The following MAN1A1 variants were observed in gnomAD, a reference collection of about 807,000 sequenced individuals.
The protein encoded by MAN1A1 is mannosidase alpha class 1A member 1.
A neutral mutation model predicts 70.8 loss-of-function variants in MAN1A1; 29 were observed. That is an observed-to-expected ratio of 0.41 (90% CI 0.31 to 0.56). The LOEUF is 0.56. Among genes scored for constraint, MAN1A1 ranks in the 20% least tolerant of loss-of-function variants. The pLI is 0.29. For synonymous variants in MAN1A1, 349 were observed against 330.1 expected (o/e 1.06, Z -0.62); for missense variants, 747 against 841.3 (o/e 0.89, Z 1.39).
chr6:119,244,644 A>C (rs193283243), intron 6 of MAN1A1, among the ~76,000 whole-genome samples: 1 of 152,194 alleles, frequency 6.6e-6, no homozygotes, highest in African/African-American at 2.4e-5. Flanking sequence ...ACAAATACTG[A>C]AATACAACTT....
chr6:119,188,453 T>C lies in MAN1A1; in HGVS notation c.1671A>G (p.Arg557=). The change falls in exon 11 of 13, where the codon AGA becomes AGG. Residue 557 remains arginine (R), a synonymous_variant. Transcript: ENST00000368468. ...EVMETYMYMW[R]LTHDPKYRKW... is the part of the protein sequence containing the mutation. Reference sequence around the variant, plus strand: ...TCCTGTACTTTGGATCATGAGTCAGTCTCCACATATACATGTAAGTCTCCA... The same window carrying C: ...TCCTGTACTTTGGATCATGAGTCAGCCTCCACATATACATGTAAGTCTCCA... The C allele has an allele frequency of 6.2e-7, 1 of 1,613,606 alleles. No homozygotes were observed. The highest frequency in any genetic ancestry group is 1.3e-5 in the African/African-American group (1 of 75,028).
At chr6:119,301,738 A>G (rs1772395613) in intron 4 of MAN1A1, among the ~76,000 whole-genome samples, 1 of 152,232 alleles carries the variant, frequency 6.6e-6, no homozygotes, top group Non-Finnish European at 1.5e-5. Context: ...GAACAAGAAT[A>G]CTAGGCACAT....
intron 2 of MAN1A1, among the ~76,000 whole-genome samples, chr6:119,327,831 A>C (rs1190718070): frequency 6.6e-6 from 1 of 152,198 alleles, no homozygotes; most frequent in Admixed American, 6.5e-5. Flanking sequence ...GTCTAAATGA[A>C]TGAATGAATG....
At chr6:119,246,332 ATTGGTGGTCTTCCATTGTACTGTTAGCTT>A (rs1293501085) in intron 6 of MAN1A1, among the ~76,000 whole-genome samples, 1 of 152,184 alleles carries the variant, frequency 6.6e-6, no homozygotes, top group Non-Finnish European at 1.5e-5. Context: ...ACTGGCGGTC[ATTGGTGGTCTTCCATTGTACTGTTAGCTT>A]TTGGAAATTG....
At chr6:119,315,463 G>A (rs1772823184) in intron 2 of MAN1A1, among the ~76,000 whole-genome samples, 1 of 152,114 alleles carries the variant, frequency 6.6e-6, no homozygotes, top group Non-Finnish European at 1.5e-5. Flanking sequence ...TTCTCCTAAG[G>A]AAAACCCAGT....
chr6:119,318,622 C>T (rs1772918634), intron 2 of MAN1A1, among the ~76,000 whole-genome samples: 1 of 152,138 alleles, frequency 6.6e-6, no homozygotes, highest in Non-Finnish European at 1.5e-5. Flanking sequence ...AACCAACTTC[C>T]AATCTTTCTT....
intron 2 of MAN1A1, among the ~76,000 whole-genome samples, chr6:119,340,441 T>C (rs1773567510): frequency 6.6e-6 from 1 of 152,174 alleles, no homozygotes; most frequent in Admixed American, 6.5e-5. Flanking sequence ...TTGAGTGTTC[T>C]GAAGGGACCT....
chr6:119,291,141 G>T (rs1776532033), intron 4 of MAN1A1, among the ~76,000 whole-genome samples: 1 of 151,910 alleles, frequency 6.6e-6, no homozygotes, highest in Non-Finnish European at 1.5e-5. Context: ...ATCATGGGGA[G>T]GGGTCTTTCC....
chr6:119,294,497 G>C (rs1772144631), intron 4 of MAN1A1, among the ~76,000 whole-genome samples: 1 of 152,050 alleles, frequency 6.6e-6, no homozygotes, highest in African/African-American at 2.4e-5. Context: ...TAAAATAAAA[G>C]TAACTTCCCT....
chr6:119,236,388 T>C (rs941623168), intron 6 of MAN1A1, among the ~76,000 whole-genome samples: 1 of 152,036 alleles, frequency 6.6e-6, no homozygotes, highest in Non-Finnish European at 1.5e-5. Context: ...GCTAACATAA[T>C]GTCTGTTCTG....
At position 119,178,260 on chromosome 6, in the gene MAN1A1, A is replaced by C. The variant is rs532829995; in HGVS notation, c.*1559T>G. ...ACTATTAAGCCTATTGATAGCTAAG[A>C]AAATAATTGTCTTCAATAATATTAG... On this transcript the variant is annotated 3_prime_UTR_variant, in exon 13 of 13. Transcript: ENST00000368468. 6.6e-6 allele frequency: 1 copy of C among 152,268 alleles called. No individual in the cohort carries two copies. The highest frequency in any genetic ancestry group is 2.1e-4 in the South Asian group (1 of 4,826). The allele number at this position is 152,268 out of a possible 1,614,324, so 9.4% of individuals were successfully genotyped here.
intron 2 of MAN1A1, among the ~76,000 whole-genome samples, chr6:119,320,166 G>A (rs1036236491): frequency 6.6e-6 from 1 of 152,080 alleles, no homozygotes; most frequent in African/African-American, 2.4e-5. Flanking sequence ...TACAGACGAG[G>A]TTTCACTATG....
intron 6 of MAN1A1, among the ~76,000 whole-genome samples, chr6:119,233,416 G>C (rs1379165296): frequency 1.3e-5 from 2 of 151,994 alleles, no homozygotes; most frequent in Non-Finnish European, 2.9e-5. Flanking sequence ...TTTCCTTTAA[G>C]CCAATTAAAA....
chr6:119,332,858 A>C (rs1773355332), intron 2 of MAN1A1, among the ~76,000 whole-genome samples: 1 of 150,684 alleles, frequency 6.6e-6, no homozygotes. Flanking sequence ...TCTTTTTAAA[A>C]GAGAAATATC....
In MAN1A1 at chr6:119,327,626, T is replaced by C. The variant is rs1028894352; in HGVS notation, c.604-20634A>G. 3.3e-5 allele frequency among the ~76,000 whole-genome samples: 5 copies of C among 152,074 alleles called. 1 individual carries two copies. Among genetic ancestry groups the C allele is most frequent in the African/African-American group, 1.2e-4 (5 of 41,426 alleles). ...GCTACATTCCATATTTTTAAGATGG[T>C]AGTAAAACATGGTGACTATAGCTAA... On this transcript the variant is annotated intron_variant, in intron 2 of 12. Coordinates refer to ENST00000368468, the MANE Select transcript of MAN1A1 (RefSeq NM_005907.4).
intron 5 of MAN1A1, among the ~76,000 whole-genome samples, chr6:119,248,728 CTGT>C (rs1258776498): frequency 7.9e-5 from 12 of 152,318 alleles, no homozygotes; most frequent in African/African-American, 2.6e-4. Context: ...GGGAGAACCA[CTGT>C]TGTTGGAGGA....
At chr6:119,324,365 A>G (rs894816266) in intron 2 of MAN1A1, among the ~76,000 whole-genome samples, 4 of 152,352 alleles carry the variant, frequency 2.6e-5, no homozygotes, top group South Asian at 2.1e-4. Context: ...GCTTATGTTT[A>G]GTCAGTAAGG....
chr6:119,189,772 C>T lies in MAN1A1; in HGVS notation c.1438G>A (p.Gly480Ser). 6.2e-7 allele frequency: 1 copy of T among 1,614,120 alleles called. No individual in the cohort carries two copies. Among genetic ancestry groups the T allele is most frequent in the Non-Finnish European group, 8.5e-7 (1 of 1,180,010 alleles). ...KMGHLTCFAG[G>S]MFALGADAAP... The stretch of plus-strand genomic sequence containing the variant: ...GCATCAGCCCCGAGTGCGAACATGC[C>T]CCCCGCGAAGCAGGTCAGGTGGCCC... Residue 480 changes from glycine (G) to serine (S), a missense_variant, in exon 10 of 13, where the codon GGC becomes AGC. Gly to Ser is a moderately conservative substitution (Grantham distance 56, BLOSUM62 0). Coordinates refer to ENST00000368468, the MANE Select transcript of MAN1A1 (RefSeq NM_005907.4).
intron 2 of MAN1A1, among the ~76,000 whole-genome samples, chr6:119,312,063 T>G (rs1210878161): frequency 1.3e-5 from 2 of 152,126 alleles, no homozygotes; most frequent in Non-Finnish European, 2.9e-5. Flanking sequence ...CAGTCCGCTG[T>G]TTGTCATGAA....
Sources: gnomAD v4.1 joint callset for allele counts (sites outside exome capture counted in the v4.1 genomes callset) on GRCh38, gnomAD v4.1.1 for gene constraint, MANE v1.5 for transcripts, NCBI Gene and HGNC (gene_info 2026-07-23, HGNC 2026-07-21) for gene names.